Variants in LRRD1 observed in about 807,000 individuals in gnomAD.
The protein encoded by LRRD1 is leucine rich repeats and death domain containing 1.
LRRD1 carries 49 observed loss-of-function variants against 69.5 expected under a neutral mutation model. The observed-to-expected ratio is 0.70, with a 90% confidence interval of 0.56 to 0.89. The LOEUF is 0.89. Among genes scored for constraint, LRRD1 ranks in the 40% least tolerant of loss-of-function variants. LRRD1 has a pLI of 0.00. For synonymous variants in LRRD1, 303 were observed against 338.9 expected (o/e 0.89, Z 1.16); for missense variants, 853 against 956.0 (o/e 0.89, Z 1.42).
intron 2 of LRRD1, 103 bp downstream of exon 2, chr7:92,163,183 C>T: frequency 1.5e-6 from 1 of 687,164 alleles, no homozygotes; most frequent in Non-Finnish European, 2.1e-6. Flanking sequence ...TATTTCAGCT[C>T]AACTTAAAAC....
intron 1 of LRRD1, among the ~76,000 whole-genome samples, chr7:92,167,558 T>C (rs1437887785): frequency 6.6e-6 from 1 of 151,618 alleles, no homozygotes; most frequent in African/African-American, 2.4e-5. Flanking sequence ...TGTTCTAAAG[T>C]GTTTTTCATC....
At chr7:92,174,509 A>ATATTT (rs1563195877) in intron 1 of LRRD1, among the ~76,000 whole-genome samples, 2 of 12,872 alleles carry the variant, frequency 1.6e-4, no homozygotes, top group African/African-American at 2.2e-4. Flanking sequence ...ATATATATAT[A>ATATTT]TTTTTTTTTT....
chr7:92,143,837 C>T (rs879870094), downstream of LRRD1, among the ~76,000 whole-genome samples: 12 of 152,360 alleles, frequency 7.9e-5, no homozygotes, highest in Non-Finnish European at 1.2e-4. Context: ...GCAGAGGAGG[C>T]GCCGAGAGCG....
In LRRD1 at chr7:92,164,179, C is replaced by A. The variant is rs1375042269; in HGVS notation, c.1024G>T (p.Ala342Ser). Reference sequence around the variant, plus strand: ...TTGAGTAACTGAAAAATTTCTACAGCCAGAAAGGTAAGCTTATTGTGATCC... The same window carrying A: ...TTGAGTAACTGAAAAATTTCTACAGACAGAAAGGTAAGCTTATTGTGATCC... ...LMDHNKLTFL[A>S]VEIFQLLKIK... is the part of the protein sequence containing the mutation. Residue 342 changes from alanine (A) to serine (S), a missense_variant, in exon 2 of 6, where the codon GCT (alanine) becomes TCT (serine). Transcript: ENST00000458448. 6.5e-7 allele frequency: 1 copy of A among 1,547,846 alleles called. No individual in the cohort carries two copies. The highest frequency in any genetic ancestry group is 2.0e-5 in the Admixed American group (1 of 50,120).
intron 2 of LRRD1, among the ~76,000 whole-genome samples, chr7:92,162,888 T>C (rs1411826726): frequency 2.0e-5 from 3 of 152,200 alleles, no homozygotes; most frequent in African/African-American, 7.2e-5. Flanking sequence ...AAAAGTTGTG[T>C]CAACGTATGC....
intron 3 of LRRD1, among the ~76,000 whole-genome samples, chr7:92,152,940 T>G (rs1467409323): frequency 2.0e-5 from 3 of 152,248 alleles, no homozygotes; most frequent in Admixed American, 6.5e-5. Context: ...AGTGCTGGGA[T>G]TACAGGCGTG....
At chr7:92,167,876 C>CAAAAAAAAAAAAAAAAAAAAAAAAAA (rs542619786) in intron 1 of LRRD1, among the ~76,000 whole-genome samples, 1 of 46,186 alleles carries the variant, frequency 2.2e-5, no homozygotes, top group African/African-American at 9.5e-5. Context: ...GACTCTGTCT[C>CAAAAAAAAAAAAAAAAAAAAAAAAAA]AAAAAAAAAA....
Position 92,164,857 on chromosome 7 carries a change from A to C in LRRD1, c.346T>G (p.Phe116Val). 1 of 1,551,636 alleles carries C rather than the reference A, an allele frequency of 6.4e-7. No homozygotes were observed. ...TCTCCTACTGTTTCATGAGATAGGA[A>C]GTTAACCAAAGCCTGATATTCTGCA... ...RTAEYQALVN[F>V]LSHETVGEVS... The change falls in exon 2 of 6, where the codon TTC becomes GTC. Residue 116 changes from phenylalanine to valine, a missense_variant. By Grantham distance (50) the Phe-to-Val change is conservative. Transcript: ENST00000458448.
chr7:92,151,194 G>A (rs1820458028), intron 3 of LRRD1, among the ~76,000 whole-genome samples: 1 of 152,024 alleles, frequency 6.6e-6, no homozygotes, highest in Non-Finnish European at 1.5e-5. Context: ...TCCTTTTTCT[G>A]TTTCAGGAAA....
downstream of LRRD1, among the ~76,000 whole-genome samples, chr7:92,143,315 C>T (rs1023631035): frequency 3.9e-5 from 6 of 152,138 alleles, no homozygotes; most frequent in Non-Finnish European, 5.9e-5. Context: ...CGGTGGATCC[C>T]GCACCCACCG....
intron 3 of LRRD1, among the ~76,000 whole-genome samples, chr7:92,152,748 G>C (rs1384889166): frequency 6.7e-6 from 1 of 149,700 alleles, no homozygotes; most frequent in Admixed American, 6.7e-5. Context: ...TCAGCTCACT[G>C]CAACCTCCAC....
rs1788882010 is a variant in LRRD1, at chr7:92,165,188, C to A, written c.15G>T (p.Glu5Asp). The change falls in exon 2 of 6, where the codon GAG becomes GAT. Residue 5 changes from glutamate to aspartate, a missense_variant. Glu to Asp is a conservative substitution (Grantham distance 45). Around this residue, in one of 3 missense-constraint regions of LRRD1, gnomAD observed 99 missense variants for 107.0 expected, o/e 0.92. Coordinates refer to ENST00000458448, the MANE Select transcript of LRRD1 (RefSeq NM_001161528.2). ...TATCCTCTAGCACTTCTGACATACC[C>A]TCCTTTTCAGACATCTTATTTGCTG... MSEK[E>D]GMSEVLEDTI... 6.8e-7 allele frequency: 1 copy of A among 1,472,506 alleles called. No homozygotes were observed. The highest frequency in any genetic ancestry group is 2.5e-5 in the Admixed American group (1 of 40,302). The allele number at this position is 1,472,506 out of a possible 1,614,324, so 91.2% of individuals were successfully genotyped here. A position where few individuals can be genotyped will look rare whatever the true frequency, so the allele number is the denominator to read the frequency against.
chr7:92,158,644 A>G (rs529398519), intron 3 of LRRD1, among the ~76,000 whole-genome samples: 18 of 152,280 alleles, frequency 1.2e-4, no homozygotes, highest in African/African-American at 4.3e-4. Context: ...TAGGAGAAGT[A>G]TCAGGGGAGC....
At chr7:92,167,027 T>C (rs1204695549) in intron 1 of LRRD1, among the ~76,000 whole-genome samples, 1 of 151,884 alleles carries the variant, frequency 6.6e-6, no homozygotes, top group African/African-American at 2.4e-5. Context: ...CTACAGTAAA[T>C]TATTAGAATA....
intron 4 of LRRD1, among the ~76,000 whole-genome samples, chr7:92,149,068 C>A (rs1486035858): frequency 6.6e-6 from 1 of 151,988 alleles, no homozygotes; most frequent in African/African-American, 2.4e-5. Context: ...TTTATAGTAA[C>A]AATTAAGACA....
chr7:92,142,929 T>A (rs763034237), downstream of LRRD1: 7 of 304,014 alleles, frequency 2.3e-5, no homozygotes, highest in Admixed American at 3.2e-4. Context: ...GCTTCCGCAG[T>A]GTGGAAGGGG....
At chr7:92,146,477 C>CAT (rs1820326076) in intron 4 of LRRD1, among the ~76,000 whole-genome samples, 2 of 151,818 alleles carry the variant, frequency 1.3e-5, no homozygotes, top group Admixed American at 1.3e-4. Context: ...ATTAGCCAGG[C>CAT]ATGGTTGTGT....
At chr7:92,162,919 T>A (rs894512305) in intron 2 of LRRD1, among the ~76,000 whole-genome samples, 2 of 152,188 alleles carry the variant, frequency 1.3e-5, no homozygotes, top group African/African-American at 4.8e-5. Flanking sequence ...AATACAATGA[T>A]ATGCTTGTGG....
At chr7:92,141,711 A>G (rs1457866693), downstream of LRRD1, 1 of 152,206 alleles carries the variant, frequency 6.6e-6, no homozygotes, top group African/African-American at 2.4e-5. Context: ...CATTAACAAC[A>G]ACCATCATTA....
Sources: gnomAD v4.1 joint callset for allele counts (sites outside exome capture counted in the v4.1 genomes callset) on GRCh38, gnomAD v4.1.1 for gene constraint, gnomAD v4.1.1 regional missense constraint, MANE v1.5 for transcripts, NCBI Gene and HGNC (gene_info 2026-07-23, HGNC 2026-07-21) for gene names.